KCNK2: variants seen among roughly 807,000 people sequenced by gnomAD.
KCNK2 encodes potassium two pore domain channel subfamily K member 2, also known as potassium channel subfamily K member 2.
A neutral mutation model predicts 40.5 loss-of-function variants in KCNK2; 21 were observed. That is an observed-to-expected ratio of 0.52 (90% CI 0.37 to 0.75). The LOEUF is 0.75. Ranked by LOEUF, KCNK2 falls within the 30% of genes least tolerant of loss-of-function variation. The probability of loss-of-function intolerance (pLI) is 0.00; values close to 1 mark genes in which losing one functional copy is unlikely to be tolerated. For synonymous variants in KCNK2, 191 were observed against 202.2 expected, an observed-to-expected ratio of 0.94 and a Z score of 0.47; for missense variants, 399 against 531.6, an observed-to-expected ratio of 0.75 and a Z score of 2.45.
intron 6 of KCNK2, among the ~76,000 whole-genome samples, chr1:215,231,672 A>G (rs534205201): frequency 2.0e-5 from 3 of 152,174 alleles, no homozygotes; most frequent in Non-Finnish European, 2.9e-5. Flanking sequence ...AATCAGACAG[A>G]AAATCAGTGT....
chr1:215,235,452 T>A lies in KCNK2; in HGVS notation c.*307T>A. 3.6e-6 allele frequency: 1 copy of A among 274,688 alleles called. No homozygotes were observed. The highest frequency in any genetic ancestry group is 7.0e-6 in the Non-Finnish European group (1 of 143,854). The allele number at this position is 274,688 out of a possible 1,614,324, so 17.0% of individuals were successfully genotyped here. On this transcript the variant is annotated 3_prime_UTR_variant, in exon 7 of 7. Transcript: ENST00000444842. ...ATGTGCCATAAGGCCTCAGAATGAA[T>A]GAGAATTGTTTCTGGTAACAATGTA...
chr1:215,168,070 C>G (rs973915695), intron 3 of KCNK2, among the ~76,000 whole-genome samples: 2 of 152,126 alleles, frequency 1.3e-5, no homozygotes, highest in Non-Finnish European at 2.9e-5. Context: ...ACAGACACTT[C>G]TCAAAAGAAG....
At chr1:215,225,833 A>T (rs1400941900) in intron 6 of KCNK2, among the ~76,000 whole-genome samples, 2 of 152,132 alleles carry the variant, frequency 1.3e-5, no homozygotes, top group African/African-American at 2.4e-5. Context: ...GGTAGGAAGG[A>T]AGGTTGAACT....
chr1:215,200,542 CTTTAGGGAGCCATTGA>C (rs11268422), intron 6 of KCNK2, among the ~76,000 whole-genome samples: 122,906 of 152,136 alleles, frequency 0.81, 53,204 homozygotes, highest in East Asian at 0.98. Flanking sequence ...ATTCAGAAAA[CTTTAGGGAGCCATTGA>C]AGGATTTTAA....
intron 2 of KCNK2, among the ~76,000 whole-genome samples, chr1:215,108,883 T>G (rs1660554989): frequency 6.9e-6 from 1 of 145,372 alleles, no homozygotes; most frequent in South Asian, 2.1e-4. Context: ...TATCTTCACG[T>G]GCTAACATGG....
intron 2 of KCNK2, among the ~76,000 whole-genome samples, chr1:215,102,325 AT>A (rs2102552081): frequency 6.6e-6 from 1 of 152,164 alleles, no homozygotes; most frequent in South Asian, 2.1e-4. Flanking sequence ...CTTAGTTTTC[AT>A]TAAAACTGTT....
At chr1:215,023,532 G>A (rs1656887238) in intron 1 of KCNK2, among the ~76,000 whole-genome samples, 2 of 152,154 alleles carry the variant, frequency 1.3e-5, no homozygotes. Flanking sequence ...TAAATCACTG[G>A]ACAACAATCA....
chr1:215,007,708 T>A (rs1439514385), intron 1 of KCNK2, among the ~76,000 whole-genome samples: 1 of 152,162 alleles, frequency 6.6e-6, no homozygotes, highest in Non-Finnish European at 1.5e-5. Context: ...GGTGAAATCC[T>A]TTGGGTAGAA....
At chr1:215,128,587 A>C (rs1186730760) in intron 3 of KCNK2, among the ~76,000 whole-genome samples, 2 of 151,298 alleles carry the variant, frequency 1.3e-5, no homozygotes, top group Non-Finnish European at 2.9e-5. Flanking sequence ...AAAGGGAAGA[A>C]TACATGGGCT....
chr1:215,007,031 A>ATATGTGTGTGTG (rs1656160027), intron 1 of KCNK2, among the ~76,000 whole-genome samples: 9 of 79,298 alleles, frequency 1.1e-4, no homozygotes, highest in Non-Finnish European at 2.2e-4. Flanking sequence ...ATATATATAT[A>ATATGTGTGTGTG]TATATATGTG....
chr1:215,133,901 C>A (rs535062143), intron 3 of KCNK2, among the ~76,000 whole-genome samples: 23 of 152,154 alleles, frequency 1.5e-4, no homozygotes, highest in African/African-American at 5.3e-4. Context: ...ACAGGTTATC[C>A]AAAAATGCAC....
At chr1:215,229,163 A>G (rs1666515244) in intron 6 of KCNK2, among the ~76,000 whole-genome samples, 2 of 150,164 alleles carry the variant, frequency 1.3e-5, no homozygotes, top group Middle Eastern at 3.5e-3. Flanking sequence ...AAGTCAAAGG[A>G]TTAGATACCC....
intron 6 of KCNK2, among the ~76,000 whole-genome samples, chr1:215,207,263 G>T (rs1156263158): frequency 6.6e-6 from 1 of 152,142 alleles, no homozygotes; most frequent in African/African-American, 2.4e-5. Flanking sequence ...CCTCCAGTCA[G>T]ATCAGTGGCG....
intron 2 of KCNK2, among the ~76,000 whole-genome samples, chr1:215,090,888 AC>A (rs1659665187): frequency 6.6e-6 from 1 of 152,126 alleles, no homozygotes; most frequent in African/African-American, 2.4e-5. Flanking sequence ...TTCTCTTTAT[AC>A]TAGGCATCTC....
At chr1:215,064,959 T>G (rs1042228230) in intron 1 of KCNK2, among the ~76,000 whole-genome samples, 9 of 152,220 alleles carry the variant, frequency 5.9e-5, no homozygotes, top group African/African-American at 2.2e-4. Flanking sequence ...ATATTAACTG[T>G]GTTTTGTCAA....
At chr1:215,207,582 T>C (rs1665369963) in intron 6 of KCNK2, among the ~76,000 whole-genome samples, 1 of 152,214 alleles carries the variant, frequency 6.6e-6, no homozygotes, top group African/African-American at 2.4e-5. Context: ...GTACTTGACT[T>C]ACATGTCTGT....
At chr1:215,206,103 G>C (rs545895193) in intron 6 of KCNK2, among the ~76,000 whole-genome samples, 1 of 152,220 alleles carries the variant, frequency 6.6e-6, no homozygotes, top group South Asian at 2.1e-4. Flanking sequence ...CCAGAGACCA[G>C]ATCCTGTAAA....
At chr1:215,123,935 T>C (rs1377774949) in intron 2 of KCNK2, among the ~76,000 whole-genome samples, 1 of 152,198 alleles carries the variant, frequency 6.6e-6, no homozygotes, top group East Asian at 1.9e-4. Flanking sequence ...TTTCTCTTAG[T>C]ACTACTCAAC....
In KCNK2 at chr1:215,048,491, T is replaced by C. The variant is rs148291144; in HGVS notation, c.35-37877T>C. On this transcript the variant is annotated intron_variant, in intron 1 of 6. Coordinates refer to the KCNK2 transcript ENST00000391895. ...ATATGTCTAACACCAGCTGATCTTATGTCTTGCTGAGAATCATACTTTAGC... is the reference window on the plus strand; with the variant it reads ...ATATGTCTAACACCAGCTGATCTTACGTCTTGCTGAGAATCATACTTTAGC... Among the ~76,000 whole-genome samples the C allele has an allele frequency of 6.9e-3, 1,051 of 152,322 alleles. 14 individuals are homozygous for C. The highest frequency in any genetic ancestry group is 0.024 in the African/African-American group (998 of 41,566).
Sources: gnomAD v4.1 joint callset for allele counts (sites outside exome capture counted in the v4.1 genomes callset) on GRCh38, gnomAD v4.1.1 for gene constraint, MANE v1.5 for transcripts, NCBI Gene and HGNC (gene_info 2026-07-23, HGNC 2026-07-21) for gene names.